Variants in GPATCH2 observed in about 807,000 individuals in gnomAD.
GPATCH2 encodes G patch domain-containing protein 2.
A neutral mutation model predicts 58.0 loss-of-function variants in GPATCH2; 51 were observed. The observed-to-expected ratio is 0.88, with a 90% CI of 0.70 to 1.11. GPATCH2 has a LOEUF of 1.11. Among genes scored for constraint, GPATCH2 ranks in the 50% most tolerant of loss-of-function variants. The probability of loss-of-function intolerance (pLI) is 0.00; values close to 1 mark genes in which losing one functional copy is unlikely to be tolerated. For synonymous variants in GPATCH2, 222 were observed against 218.5 expected, an observed-to-expected ratio of 1.02 and a Z score of -0.14; for missense variants, 625 against 652.2, an observed-to-expected ratio of 0.96 and a Z score of 0.45.
chr1:217,609,772 CT>C (rs1266342665), intron 5 of GPATCH2: 1 of 960,498 alleles, frequency 1.0e-6, no homozygotes, highest in Non-Finnish European at 1.2e-6. Flanking sequence ...AAAATTAATT[CT>C]TAATCAGTCA....
At chr1:217,596,270 T>G (rs535182918) in intron 5 of GPATCH2, among the ~76,000 whole-genome samples, 11 of 152,336 alleles carry the variant, frequency 7.2e-5, no homozygotes, top group African/African-American at 2.4e-4. Flanking sequence ...ATATATTATT[T>G]TAGTAGGCAA....
chr1:217,608,374 AAC>A, intron 5 of GPATCH2: 1 of 984,966 alleles, frequency 1.0e-6, no homozygotes, highest in Non-Finnish European at 1.2e-6. Context: ...TTCCATGATA[AAC>A]ACACATATAT....
In GPATCH2 at chr1:217,534,026, G is replaced by T. The variant is rs149786596; in HGVS notation, c.1099-19137C>A. Among the ~76,000 whole-genome samples the T allele has an allele frequency of 2.8e-4, 43 of 152,138 alleles. No homozygotes were observed. In the East Asian group the frequency reaches 7.4e-3, roughly 26 times the overall value. ...AGGTCAAGAGTTTGAGACTAGCCTG[G>T]CCAACATGATGAAACCCCACCTCTA... is the stretch of plus-strand genomic sequence containing the variant. On this transcript the variant is annotated intron_variant, in intron 5 of 9. Transcript: ENST00000366935.
intron 5 of GPATCH2, among the ~76,000 whole-genome samples, chr1:217,535,658 T>C (rs1664424832): frequency 6.6e-6 from 1 of 152,224 alleles, no homozygotes; most frequent in African/African-American, 2.4e-5. Context: ...GCCAAGTTAA[T>C]GTACAAGATT....
At chr1:217,581,177 T>C (rs1667066345) in intron 5 of GPATCH2, among the ~76,000 whole-genome samples, 1 of 152,228 alleles carries the variant, frequency 6.6e-6, no homozygotes. Context: ...AAAGGATTTC[T>C]AGCCTCACGG....
At chr1:217,622,620 T>C (rs1259034854) in intron 1 of GPATCH2, among the ~76,000 whole-genome samples, 1 of 152,342 alleles carries the variant, frequency 6.6e-6, no homozygotes, top group South Asian at 2.1e-4. Flanking sequence ...CTCGGCTCAC[T>C]GCAACTTCTG....
chr1:217,602,836 TGTGA>T (rs538856029), intron 5 of GPATCH2, among the ~76,000 whole-genome samples: 276 of 152,338 alleles, frequency 1.8e-3, no homozygotes, highest in African/African-American at 5.6e-3. Flanking sequence ...AAAGAATGCT[TGTGA>T]GTATTTCAAA....
At chr1:217,567,045 G>GTTTTTTT (rs549350813) in intron 5 of GPATCH2, among the ~76,000 whole-genome samples, 2 of 140,762 alleles carry the variant, frequency 1.4e-5, no homozygotes, top group African/African-American at 2.6e-5. Context: ...ATAACTTCTG[G>GTTTTTTT]CTTTTTTTTT....
chr1:217,572,265 T>C (rs1558494711), intron 5 of GPATCH2, among the ~76,000 whole-genome samples: 1 of 152,114 alleles, frequency 6.6e-6, no homozygotes, highest in Non-Finnish European at 1.5e-5. Context: ...ATCTAACTTA[T>C]TCTGTGTAAC....
chr1:217,591,899 A>G (rs1667610520), intron 5 of GPATCH2, among the ~76,000 whole-genome samples: 2 of 152,180 alleles, frequency 1.3e-5, no homozygotes, highest in South Asian at 4.1e-4. Context: ...GATTATTTTT[A>G]AAGTTTTTAC....
At chr1:217,610,516 C>T (rs997595248) in intron 4 of GPATCH2, 116 bp from the exon 5 acceptor site, 9 of 670,240 alleles carry the variant, frequency 1.3e-5, no homozygotes, top group Admixed American at 2.8e-5. Context: ...GTGAATGCCA[C>T]GAATATTATT....
At chr1:217,610,485 A>G in intron 4 of GPATCH2, 85 bp from the exon 5 acceptor site, 1 of 812,120 alleles carries the variant, frequency 1.2e-6, no homozygotes, top group Non-Finnish European at 2.0e-6. Context: ...ATAGAGAAAG[A>G]AAAGTAAGTT....
chr1:217,604,451 T>C (rs1030866788), intron 5 of GPATCH2, among the ~76,000 whole-genome samples: 2 of 152,084 alleles, frequency 1.3e-5, no homozygotes, highest in African/African-American at 4.8e-5. Context: ...ATACATGACA[T>C]ATATTTAAAA....
At chr1:217,584,344 A>AAAAAAAAAAAAAAAAAATAT (rs1463910405) in intron 5 of GPATCH2, among the ~76,000 whole-genome samples, 1 of 101,860 alleles carries the variant, frequency 9.8e-6, no homozygotes, top group South Asian at 3.4e-4. Flanking sequence ...AAAAAAAAAA[A>AAAAAAAAAAAAAAAAAATAT]ATATATATAT....
chr1:217,540,526 T>C lies in GPATCH2; in HGVS notation c.1099-25637A>G, dbSNP rs111802896. 2.6e-3 allele frequency among the ~76,000 whole-genome samples: 392 copies of C among 152,342 alleles called. 1 individual carries two copies. The highest frequency in any genetic ancestry group is 9.0e-3 in the African/African-American group (376 of 41,570). On this transcript the variant is annotated intron_variant, in intron 5 of 9. Transcript: ENST00000366935. ...TCAAAAATATAAAATCTTTTTTCTT[T>C]TAGTAACATAGCAGTGATTGATCCT...
At chr1:217,439,666 A>C (rs1238425354) in intron 9 of GPATCH2, among the ~76,000 whole-genome samples, 1 of 152,210 alleles carries the variant, frequency 6.6e-6, no homozygotes, top group Non-Finnish European at 1.5e-5. Context: ...GACACAATAA[A>C]AAATGATAAA....
chr1:217,461,652 T>C (rs1660203096), intron 8 of GPATCH2, among the ~76,000 whole-genome samples: 1 of 152,192 alleles, frequency 6.6e-6, no homozygotes, highest in Non-Finnish European at 1.5e-5. Context: ...TATAAATGCT[T>C]AGTTACAGAA....
chr1:217,628,205 ATGAC>A, intron 1 of GPATCH2, among the ~76,000 whole-genome samples: 1 of 152,074 alleles, frequency 6.6e-6, no homozygotes, highest in Non-Finnish European at 1.5e-5. Flanking sequence ...GAATGACTAA[ATGAC>A]TGAACAAAAA....
intron 5 of GPATCH2, among the ~76,000 whole-genome samples, chr1:217,563,756 A>G (rs1246364467): frequency 1.3e-5 from 2 of 152,186 alleles, no homozygotes; most frequent in African/African-American, 4.8e-5. Flanking sequence ...TTAAAGAAGT[A>G]TATGTAGGCC....
Sources: allele counts gnomAD v4.1 joint callset (sites outside exome capture counted in the v4.1 genomes callset), GRCh38; gene constraint gnomAD v4.1.1; transcripts MANE v1.5; gene names NCBI Gene and HGNC (gene_info 2026-07-23, HGNC 2026-07-21).